The following LNX1 variants were observed in gnomAD, a reference collection of about 807,000 sequenced individuals.
LNX1 encodes ligand of numb-protein X 1, also known as E3 ubiquitin-protein ligase LNX.
LNX1 carries 54 observed loss-of-function variants against 68.4 expected under a neutral mutation model. The observed-to-expected ratio is 0.79, with a 90% confidence interval of 0.63 to 0.99. LNX1 has a LOEUF of 0.99. Ranked by LOEUF, LNX1 falls within the 50% of genes least tolerant of loss-of-function variation. LNX1 has a pLI of 0.00. For missense variants in LNX1, 906 were observed against 926.4 expected (o/e 0.98, Z 0.29); for synonymous variants, 336 against 350.0 (o/e 0.96, Z 0.45).
chr4:53,630,909 A>T (rs950633677), intron 1 of LNX1, among the ~76,000 whole-genome samples: 1 of 152,224 alleles, frequency 6.6e-6, no homozygotes, highest in Non-Finnish European at 1.5e-5. Context: ...GAATTTGGGA[A>T]GGGGAACTAG....
In LNX1 at chr4:53,632,541, T is replaced by C. The variant is rs534220633; in HGVS notation, c.-215+19627A>G. Among the ~76,000 whole-genome samples the C allele has an allele frequency of 2.0e-4, 30 of 152,328 alleles. No individual in the cohort carries two copies. The East Asian group carries it at 5.8e-3, about 29-fold the overall frequency. ...CTCCTTTGCCTCATGGCAGGATGAATTCTGGGGTGCAATTCATGTTCCCTG... is the reference window on the plus strand; with the variant it reads ...CTCCTTTGCCTCATGGCAGGATGAACTCTGGGGTGCAATTCATGTTCCCTG... On this transcript the variant is annotated intron_variant, in intron 1 of 2. Transcript: ENST00000507168.
chr4:53,559,273 A>C (rs781766960), intron 2 of LNX1, among the ~76,000 whole-genome samples: 6 of 152,236 alleles, frequency 3.9e-5, no homozygotes, highest in Non-Finnish European at 7.3e-5. Flanking sequence ...TCTACAGTTT[A>C]AAGTGCAGAT....
At chr4:53,484,576 A>C (rs1579388472) in intron 6 of LNX1, among the ~76,000 whole-genome samples, 1 of 152,068 alleles carries the variant, frequency 6.6e-6, no homozygotes, top group African/African-American at 2.4e-5. Flanking sequence ...AAAAGAAAAA[A>C]AAAATCTTTA....
chr4:53,471,112 A>G (rs1335674839), intron 9 of LNX1, among the ~76,000 whole-genome samples: 2 of 134,904 alleles, frequency 1.5e-5, no homozygotes, highest in Non-Finnish European at 1.6e-5. Context: ...TACAGTAACC[A>G]AAACAGCATG....
At chr4:53,617,475 C>T (rs1369125542) in exon 1 of LNX1, 1 of 152,194 alleles carries the variant, frequency 6.6e-6, no homozygotes, top group Non-Finnish European at 1.5e-5. Flanking sequence ...AAGCTGTAAA[C>T]ACAGCTGGGG....
At chr4:53,553,631 C>T (rs1000545661) in intron 2 of LNX1, among the ~76,000 whole-genome samples, 8 of 152,042 alleles carry the variant, frequency 5.3e-5, no homozygotes, top group African/African-American at 1.9e-4. Flanking sequence ...CTAGGAAATT[C>T]AAAAAGAATG....
intron 2 of LNX1, among the ~76,000 whole-genome samples, chr4:53,543,121 G>A (rs1001758564): frequency 6.6e-5 from 10 of 152,228 alleles, no homozygotes; most frequent in African/African-American, 9.6e-5. Flanking sequence ...TCAGCCTCCC[G>A]AAGTGTTATA....
At chr4:53,513,416 G>A (rs1359233171) in intron 2 of LNX1, among the ~76,000 whole-genome samples, 1 of 151,978 alleles carries the variant, frequency 6.6e-6, no homozygotes, top group Non-Finnish European at 1.5e-5. Context: ...CCAGGCTGTG[G>A]GTTCCATGCT....
intron 6 of LNX1, among the ~76,000 whole-genome samples, chr4:53,483,139 C>T (rs578022105): frequency 1.3e-5 from 2 of 152,194 alleles, no homozygotes; most frequent in East Asian, 1.9e-4. Context: ...GGGTCTTTCC[C>T]ATGCTGTTCT....
chr4:53,466,674 C>T (rs1216141996), intron 9 of LNX1, among the ~76,000 whole-genome samples: 1 of 152,236 alleles, frequency 6.6e-6, no homozygotes, highest in East Asian at 1.9e-4. Context: ...TAACAAACAG[C>T]ACACCAGGAG....
At chr4:53,527,340 T>G (rs897474125) in intron 2 of LNX1, among the ~76,000 whole-genome samples, 8 of 152,210 alleles carry the variant, frequency 5.3e-5, no homozygotes, top group Non-Finnish European at 7.3e-5. Flanking sequence ...TTTAGGAATT[T>G]ATATACTTAG....
intron 1 of LNX1, chr4:53,579,412 A>C (rs1479393625): frequency 4.0e-6 from 1 of 249,692 alleles, no homozygotes; most frequent in Non-Finnish European, 6.4e-6. Flanking sequence ...AGTGCTGAAA[A>C]GCACCCAGAA....
chr4:53,630,943 C>A (rs79327109), intron 1 of LNX1, among the ~76,000 whole-genome samples: 2 of 152,162 alleles, frequency 1.3e-5, no homozygotes, highest in Non-Finnish European at 2.9e-5. Flanking sequence ...AACCATCCAC[C>A]AGGGTGGATC....
rs191345484 is a variant in LNX1, at chr4:53,531,298, A to C, written c.381-23071T>G. Among the ~76,000 whole-genome samples the C allele has an allele frequency of 1.6e-4, 24 of 152,344 alleles. No homozygotes were observed. The East Asian group carries it at 4.4e-3, about 28-fold the overall frequency. On this transcript the variant is annotated intron_variant, in intron 2 of 10. Coordinates refer to ENST00000263925, the MANE Select transcript of LNX1 (RefSeq NM_001126328.3). Reference sequence around the variant, plus strand: ...GATTAGCAGAAAACTGGGTCAGAAAAGAAAAGGCCACCTGTTCTTTTCCTG... The same window carrying C: ...GATTAGCAGAAAACTGGGTCAGAAACGAAAAGGCCACCTGTTCTTTTCCTG...
chr4:53,621,340 G>A (rs1479383984), upstream of LNX1, among the ~76,000 whole-genome samples: 1 of 152,144 alleles, frequency 6.6e-6, no homozygotes, highest in Non-Finnish European at 1.5e-5. Flanking sequence ...TCGGCATCAC[G>A]CTCACTGTGG....
chr4:53,641,532 C>G (rs1387856246), intron 1 of LNX1, among the ~76,000 whole-genome samples: 1 of 152,232 alleles, frequency 6.6e-6, no homozygotes, highest in African/African-American at 2.4e-5. Context: ...CTCTGTTTCT[C>G]CCCACCCCAC....
At chr4:53,612,820 G>A (rs539923836) in intron 2 of LNX1, among the ~76,000 whole-genome samples, 209 of 151,708 alleles carry the variant, frequency 1.4e-3, no homozygotes, top group Non-Finnish European at 2.1e-3. Flanking sequence ...AGGAGTTTGA[G>A]GCTGCAGTGA....
At chr4:53,481,632 A>C in intron 7 of LNX1, 88 bp downstream of exon 7, 7 of 1,413,192 alleles carry the variant, frequency 5.0e-6, no homozygotes, top group Non-Finnish European at 5.7e-6. Context: ...AAAAAAGTCC[A>C]GAGATGACAC....
At position 53,573,853 on chromosome 4, in the gene LNX1, G is replaced by T. The variant is rs777247364; in HGVS notation, c.150C>A (p.Asp50Glu). 1.2e-6 allele frequency: 2 copies of T among 1,613,670 alleles called. No individual in the cohort carries two copies. Among genetic ancestry groups the T allele is most frequent in the South Asian group, 1.1e-5 (1 of 90,980 alleles). Residue 50 changes from aspartate to glutamate, a missense_variant, in exon 2 of 11, where the codon GAC becomes GAA. Physicochemically the swap from Asp to Glu is conservative, Grantham distance 45. Transcript: ENST00000263925. Reference protein sequence around the residue: ...ICHICLQALLDPLDTPCGHTY... With the variant: ...ICHICLQALLEPLDTPCGHTY... ...TGTGTCCACACGGAGTGTCCAGGGG[G>T]TCCAGCAAAGCCTGCAGGCAGATGT...
Sources: allele counts gnomAD v4.1 joint callset (sites outside exome capture counted in the v4.1 genomes callset), GRCh38; gene constraint gnomAD v4.1.1; transcripts MANE v1.5; gene names NCBI Gene and HGNC (gene_info 2026-07-23, HGNC 2026-07-21).